SLC16A2: variants seen among roughly 807,000 people sequenced by gnomAD.
SLC16A2 encodes the protein monocarboxylate transporter 8.
In SLC16A2, 3 loss-of-function variants were observed where a neutral mutation model predicts 27.2. That is an observed-to-expected ratio of 0.11 (90% CI 0.05 to 0.28). The LOEUF (loss-of-function observed/expected upper bound fraction) is 0.28. SLC16A2 is among the 10% of genes least tolerant of loss of function. The pLI is 1.00. For synonymous variants in SLC16A2, 202 were observed against 187.8 expected, an observed-to-expected ratio of 1.08 and a Z score of -0.62; for missense variants, 295 against 458.5, an observed-to-expected ratio of 0.64 and a Z score of 3.26.
chrX:74,445,938 A>G (rs145838459), intron 1 of SLC16A2, among the ~76,000 whole-genome samples: 1,803 of 110,460 alleles, frequency 0.016, 35 homozygotes, highest in African/African-American at 0.056. Flanking sequence ...TTCTGACATC[A>G]TTGTTCTTAG....
chrX:74,465,843 C>T lies in SLC16A2; in HGVS notation c.430+43776C>T, dbSNP rs761288626. 2.7e-5 allele frequency among the ~76,000 whole-genome samples: 3 copies of T among 111,234 alleles called. No individual in the cohort carries two copies. In the East Asian group the frequency reaches 8.6e-4, roughly 32 times the overall value. ...TGGTGGAGGATATGGGGACCAGAAG[C>T]CCCTGGGGCTGACTGATCTGCTTAC... is the stretch of plus-strand genomic sequence containing the variant. On this transcript the variant is annotated intron_variant, in intron 1 of 5. Coordinates refer to ENST00000587091, the MANE Select transcript of SLC16A2 (RefSeq NM_006517.5).
chrX:74,457,161 G>A (rs762961520), intron 1 of SLC16A2, among the ~76,000 whole-genome samples: 29 of 111,563 alleles, frequency 2.6e-4, no homozygotes, highest in Non-Finnish European at 4.9e-4. Flanking sequence ...CAACCGAATC[G>A]TTGTCTCTGA....
intron 1 of SLC16A2, among the ~76,000 whole-genome samples, chrX:74,422,284 G>C (rs1213477450): frequency 1.8e-5 from 2 of 112,201 alleles, no homozygotes; most frequent in African/African-American, 6.5e-5. Context: ...CTAGGTGCAA[G>C]GCGTCCCGGG....
intron 1 of SLC16A2, among the ~76,000 whole-genome samples, chrX:74,424,634 C>T (rs1205910160): frequency 9.0e-6 from 1 of 111,700 alleles, no homozygotes; most frequent in African/African-American, 3.3e-5. Flanking sequence ...ATGTACACCC[C>T]CACGCTCAAG....
At chrX:74,509,771 T>C (rs1299589364) in intron 1 of SLC16A2, among the ~76,000 whole-genome samples, 1 of 111,953 alleles carries the variant, frequency 8.9e-6, no homozygotes, top group African/African-American at 3.2e-5. Flanking sequence ...TTTCACCATG[T>C]TGGCCACGCT....
intron 1 of SLC16A2, among the ~76,000 whole-genome samples, chrX:74,432,228 C>T (rs957034200): frequency 9.0e-6 from 1 of 110,686 alleles, no homozygotes; most frequent in African/African-American, 3.3e-5. Flanking sequence ...CTGCAGGTAA[C>T]GAAGAATAAG....
intron 1 of SLC16A2, among the ~76,000 whole-genome samples, chrX:74,498,931 C>T (rs1477062254): frequency 8.9e-6 from 1 of 111,850 alleles, no homozygotes; most frequent in Non-Finnish European, 1.9e-5. Flanking sequence ...GGGGCCTGTG[C>T]CTATGGAATA....
At chrX:74,492,883 C>T (rs1041950319) in intron 1 of SLC16A2, among the ~76,000 whole-genome samples, 2 of 111,811 alleles carry the variant, frequency 1.8e-5, no homozygotes, top group African/African-American at 6.5e-5. Context: ...AACAGAAGCA[C>T]CTGCTCCTAG....
intron 1 of SLC16A2, among the ~76,000 whole-genome samples, chrX:74,436,356 A>T (rs1231793313): frequency 8.9e-6 from 1 of 111,850 alleles, no homozygotes; most frequent in Non-Finnish European, 1.9e-5. Flanking sequence ...CGTTGGTTTT[A>T]CTTTTAAAAA....
intron 1 of SLC16A2, among the ~76,000 whole-genome samples, chrX:74,505,620 A>C (rs1930111040): frequency 1.8e-5 from 2 of 112,053 alleles, no homozygotes; most frequent in South Asian, 7.4e-4. Context: ...CGGTGGAGCC[A>C]ACATTAGTGC....
At chrX:74,497,851 G>A (rs1284385141) in intron 1 of SLC16A2, among the ~76,000 whole-genome samples, 1 of 106,295 alleles carries the variant, frequency 9.4e-6, no homozygotes, top group East Asian at 3.0e-4. Flanking sequence ...TGGGGGTGGG[G>A]GGGATGACAC....
intron 1 of SLC16A2, among the ~76,000 whole-genome samples, chrX:74,495,590 C>T (rs1181731219): frequency 9.2e-6 from 1 of 108,385 alleles, no homozygotes; most frequent in African/African-American, 3.3e-5. Flanking sequence ...TGACCCTGGG[C>T]AGGGACCTTC....
intron 1 of SLC16A2, among the ~76,000 whole-genome samples, chrX:74,443,984 T>C (rs1228132578): frequency 9.1e-6 from 1 of 110,489 alleles, no homozygotes; most frequent in Non-Finnish European, 1.9e-5. Context: ...TGGTACCAGG[T>C]GTGTATGTGT....
chrX:74,442,802 A>G (rs1928774775), intron 1 of SLC16A2, among the ~76,000 whole-genome samples: 1 of 111,408 alleles, frequency 9.0e-6, no homozygotes, highest in Non-Finnish European at 1.9e-5. Context: ...TAAAAATACA[A>G]AAAAATTAGC....
At chrX:74,490,592 AT>A (rs1033736569) in intron 1 of SLC16A2, among the ~76,000 whole-genome samples, 13 of 110,366 alleles carry the variant, frequency 1.2e-4, no homozygotes, top group South Asian at 7.8e-4. Flanking sequence ...TTTAAAACTA[AT>A]TTTTTTGGGG....
intron 1 of SLC16A2, among the ~76,000 whole-genome samples, chrX:74,443,320 C>T (rs1390860443): frequency 8.9e-6 from 1 of 111,865 alleles, no homozygotes; most frequent in African/African-American, 3.2e-5. Context: ...GATTCCATAT[C>T]TAGATGATTC....
chrX:74,524,747 C>T lies in SLC16A2; in HGVS notation c.964C>T (p.Arg322Cys), dbSNP rs779440000. ...NMRVFRQRTY[R>C]IWAFGIAAAA... ...GCGAGTGTTCCGCCAACGCACTTAC[C>T]GCATCTGGGCCTTCGGAATTGCTGC... The change falls in exon 3 of 6, where the codon CGC becomes TGC. Residue 322 changes from arginine to cysteine, a missense_variant. Physicochemically the swap from Arg to Cys is radical, Grantham distance 180. Coordinates refer to ENST00000587091, the MANE Select transcript of SLC16A2 (RefSeq NM_006517.5). 5.8e-6 allele frequency: 7 copies of T among 1,209,638 alleles called. No individual in the cohort carries two copies. The highest frequency in any genetic ancestry group is 3.0e-5 in the East Asian group (1 of 33,752).
chrX:74,422,073 T>C lies in SLC16A2; in HGVS notation c.430+6T>C, dbSNP rs778234707. The C allele has an allele frequency of 8.3e-7, 1 of 1,205,572 alleles. No homozygotes were observed. Among genetic ancestry groups the C allele is most frequent in the Admixed American group, 2.2e-5 (1 of 45,661 alleles). ...CCAAGTGGAGTTCCAAGCAGGTGAGTGGCCCCGCACGCCCCACTTGGCATT... is the reference window on the plus strand; with the variant it reads ...CCAAGTGGAGTTCCAAGCAGGTGAGCGGCCCCGCACGCCCCACTTGGCATT... On this transcript the variant is annotated splice_donor_region_variant and intron_variant, in intron 1 of 5. Coordinates refer to ENST00000587091, the MANE Select transcript of SLC16A2 (RefSeq NM_006517.5).
chrX:74,487,075 C>T (rs1306243209), intron 1 of SLC16A2, among the ~76,000 whole-genome samples: 7 of 109,750 alleles, frequency 6.4e-5, no homozygotes, highest in East Asian at 2.8e-4. Context: ...ATGTTCTGGT[C>T]GCAGGAACTT....
Sources: gnomAD v4.1 joint callset for allele counts (sites outside exome capture counted in the v4.1 genomes callset) on GRCh38, gnomAD v4.1.1 for gene constraint, MANE v1.5 for transcripts, NCBI Gene and HGNC (gene_info 2026-07-23, HGNC 2026-07-21) for gene names.